Variants in DMD observed in about 807,000 individuals in gnomAD.
DMD encodes dystrophin.
DMD carries 63 observed loss-of-function variants against 330.1 expected under a neutral mutation model. That is an observed-to-expected ratio of 0.19 (90% CI 0.16 to 0.24). The LOEUF is 0.24. Ranked by LOEUF, DMD falls within the 10% of genes least tolerant of loss-of-function variation. The probability of loss-of-function intolerance (pLI) is 1.00; values close to 1 mark genes in which losing one functional copy is unlikely to be tolerated. For synonymous variants in DMD, 1,223 were observed against 959.8 expected, an observed-to-expected ratio of 1.27 and a Z score of -5.07; for missense variants, 3,344 against 2,684.1, an observed-to-expected ratio of 1.25 and a Z score of -5.43.
Position 31,749,558 on chromosome X carries a change from G to C in DMD, c.7543-19810C>G, listed in dbSNP as rs1228063808. 3.7e-5 allele frequency among the ~76,000 whole-genome samples: 4 copies of C among 109,443 alleles called. No homozygotes were observed. In the South Asian group the frequency reaches 1.2e-3, roughly 34 times the overall value. On this transcript the variant is annotated intron_variant, in intron 51 of 78. Coordinates refer to ENST00000357033, the MANE Select transcript of DMD (RefSeq NM_004006.3). ...CAGTCTATCATTGTTGGACATTTGG[G>C]TTGGTTCCAAGTCTTTGCTATTGTA...
rs191311598 is a variant in DMD, at chrX:31,831,849, A to G, written c.7200+4869T>C. Among the ~76,000 whole-genome samples the G allele has an allele frequency of 5.5e-3, 613 of 112,429 alleles. 4 individuals are homozygous for G. The highest frequency in any genetic ancestry group is 0.017 in the East Asian group (60 of 3,559). ...GATCTCCTGACTTTGTGATCCGCCC[A>G]CCTTGGCCTCCCAAAGTGCTGGTAT... On this transcript the variant is annotated intron_variant, in intron 49 of 78. Coordinates refer to ENST00000357033, the MANE Select transcript of DMD (RefSeq NM_004006.3).
intron 7 of DMD, among the ~76,000 whole-genome samples, chrX:32,744,147 G>C (rs2069669547): frequency 9.1e-6 from 1 of 109,425 alleles, no homozygotes; most frequent in African/African-American, 3.3e-5. Flanking sequence ...AGCTATTTCT[G>C]AATCATTTCT....
chrX:32,683,206 C>G (rs1360001124), intron 9 of DMD, among the ~76,000 whole-genome samples: 1 of 110,891 alleles, frequency 9.0e-6, no homozygotes, highest in Non-Finnish European at 1.9e-5. Context: ...ACTAATTACT[C>G]AATAATTTTC....
At chrX:32,982,527 G>A (rs1388630960) in intron 2 of DMD, among the ~76,000 whole-genome samples, 2 of 111,399 alleles carry the variant, frequency 1.8e-5, no homozygotes, top group East Asian at 2.8e-4. Flanking sequence ...AGATAACTTC[G>A]ACCCATTTTT....
intron 48 of DMD, among the ~76,000 whole-genome samples, chrX:31,843,190 A>C (rs1244058462): frequency 1.8e-5 from 2 of 111,801 alleles, no homozygotes; most frequent in African/African-American, 6.5e-5. Context: ...ATACAAGTGC[A>C]TGTGTCTTTT....
intron 62 of DMD, among the ~76,000 whole-genome samples, chrX:31,284,844 A>C (rs866746272): frequency 9.4e-6 from 1 of 106,222 alleles, no homozygotes; most frequent in African/African-American, 3.6e-5. Context: ...ACACACACAC[A>C]CACACACACA....
rs141836122 is a variant in DMD, at chrX:32,571,288, T to G, written c.1812+2242A>C. Among the ~76,000 whole-genome samples, 332 of 112,331 alleles carry G rather than the reference T, an allele frequency of 3.0e-3. 8 individuals are homozygous for G. Among genetic ancestry groups the G allele is most frequent in the Admixed American group, 0.026 (275 of 10,585 alleles). ...AGAACAATGTTTGTAAGGAATATTC[T>G]GCTTTAAGGAGATGTAATCCATGCA... On this transcript the variant is annotated intron_variant, in intron 15 of 78. Coordinates refer to ENST00000357033, the MANE Select transcript of DMD (RefSeq NM_004006.3).
intron 60 of DMD, among the ~76,000 whole-genome samples, chrX:31,381,334 T>TA (rs2060167920): frequency 8.9e-6 from 1 of 112,055 alleles, no homozygotes; most frequent in African/African-American, 3.2e-5. Flanking sequence ...CTTACTGTTT[T>TA]GCCTAGCCCT....
chrX:33,029,657 A>G (rs779717415), intron 1 of DMD, among the ~76,000 whole-genome samples: 1 of 112,349 alleles, frequency 8.9e-6, no homozygotes, highest in Non-Finnish European at 1.9e-5. Context: ...ACCTAACATA[A>G]TCGCATAGTT....
chrX:31,794,112 A>AACTAG (rs766308919), intron 50 of DMD, among the ~76,000 whole-genome samples: 4 of 111,891 alleles, frequency 3.6e-5, no homozygotes, highest in African/African-American at 1.3e-4. Context: ...TTTAGACTAA[A>AACTAG]ACTAGGGTAA....
In DMD at chrX:32,739,239, A is replaced by G. The variant is rs751592640; in HGVS notation, c.650-39946T>C. Among the ~76,000 whole-genome samples, 41 of 112,217 alleles carry G rather than the reference A, an allele frequency of 3.7e-4. No individual in the cohort carries two copies. The East Asian group carries it at 8.7e-3, about 24-fold the overall frequency. Reference sequence around the variant, plus strand: ...GTTTTGACCCAGGCAGTCCAGCTCCAGAACCTATGCTGTCCTCCCTACTGT... The same window carrying G: ...GTTTTGACCCAGGCAGTCCAGCTCCGGAACCTATGCTGTCCTCCCTACTGT... On this transcript the variant is annotated intron_variant, in intron 7 of 78. Coordinates refer to ENST00000357033, the MANE Select transcript of DMD (RefSeq NM_004006.3).
chrX:31,849,325 T>G (rs1349938620), intron 48 of DMD, among the ~76,000 whole-genome samples: 1 of 111,001 alleles, frequency 9.0e-6, no homozygotes, highest in African/African-American at 3.3e-5. Flanking sequence ...AAATATATAC[T>G]ACATTTAGAG....
chrX:32,737,938 T>A (rs1460717402), intron 7 of DMD, among the ~76,000 whole-genome samples: 1 of 111,809 alleles, frequency 8.9e-6, no homozygotes, highest in Non-Finnish European at 1.9e-5. Flanking sequence ...TCTGATTTGA[T>A]ATAACAGGAA....
chrX:32,297,270 T>TATTTATTA (rs1197452500), intron 42 of DMD, among the ~76,000 whole-genome samples: 1 of 94,938 alleles, frequency 1.1e-5, no homozygotes, highest in African/African-American at 4.6e-5. Context: ...TTTATTTATT[T>TATTTATTA]ATTATTTATT....
At chrX:32,117,438 C>T (rs147167374) in intron 44 of DMD, among the ~76,000 whole-genome samples, 1,364 of 111,972 alleles carry the variant, frequency 0.012, 7 homozygotes, top group Non-Finnish European at 0.019. Flanking sequence ...AGCAGTGCCC[C>T]CTCTTAGAAG....
At chrX:32,197,316 CA>C (rs2097010630) in intron 44 of DMD, among the ~76,000 whole-genome samples, 1 of 111,379 alleles carries the variant, frequency 9.0e-6, no homozygotes, top group South Asian at 3.8e-4. Context: ...GTGTTACAAA[CA>C]ATCCAATCAC....
intron 12 of DMD, among the ~76,000 whole-genome samples, chrX:32,599,806 A>C (rs906767224): frequency 8.9e-6 from 1 of 112,079 alleles, no homozygotes; most frequent in African/African-American, 3.2e-5. Flanking sequence ...TGCTTTTGTA[A>C]CACTTACCAG....
intron 60 of DMD, among the ~76,000 whole-genome samples, chrX:31,353,260 T>C (rs779251445): frequency 1.8e-5 from 2 of 110,926 alleles, no homozygotes; most frequent in South Asian, 7.6e-4. Flanking sequence ...AAGCAAGGCG[T>C]CCCAGACTCT....
intron 1 of DMD, among the ~76,000 whole-genome samples, chrX:33,223,468 C>A (rs1213363617): frequency 1.8e-5 from 2 of 112,268 alleles, no homozygotes; most frequent in Non-Finnish European, 3.8e-5. Context: ...CAGGAATAAA[C>A]CCACATAAAT....
Sources: allele counts gnomAD v4.1 joint callset (sites outside exome capture counted in the v4.1 genomes callset), GRCh38; gene constraint gnomAD v4.1.1; transcripts MANE v1.5; gene names NCBI Gene and HGNC (gene_info 2026-07-23, HGNC 2026-07-21).